The following RBPMS variants were observed in gnomAD, a reference collection of about 807,000 sequenced individuals.
The protein encoded by RBPMS is RNA binding protein, mRNA processing factor, also known as RNA-binding protein with multiple splicing.
In RBPMS, 7 loss-of-function variants were observed where a neutral mutation model predicts 26.8. The ratio of observed to expected loss-of-function variants is 0.26; its 90% confidence interval spans 0.15 to 0.49. RBPMS has a LOEUF of 0.49. Among genes scored for constraint, RBPMS ranks in the 20% least tolerant of loss-of-function variants. The pLI is 0.98. For synonymous variants in RBPMS, 96 were observed against 93.3 expected (o/e 1.03, Z -0.17); for missense variants, 186 against 250.0 (o/e 0.74, Z 1.73).
At chr8:30,431,461 T>C (rs1444335128) in intron 1 of RBPMS, among the ~76,000 whole-genome samples, 1 of 151,790 alleles carries the variant, frequency 6.6e-6, no homozygotes, top group East Asian at 1.9e-4. Context: ...TGTCTTCTCT[T>C]CTCTTTCTTG....
intron 5 of RBPMS, among the ~76,000 whole-genome samples, chr8:30,539,708 C>G (rs937134735): frequency 1.3e-5 from 2 of 151,326 alleles, no homozygotes; most frequent in Non-Finnish European, 2.9e-5. Flanking sequence ...TCACTGCAAT[C>G]TGCACCTCCC....
intron 1 of RBPMS, among the ~76,000 whole-genome samples, chr8:30,411,654 C>T (rs1220997664): frequency 4.3e-5 from 5 of 115,090 alleles, no homozygotes; most frequent in Non-Finnish European, 6.8e-5. Context: ...GACAGCAAGA[C>T]CCTGTCTCAG....
At chr8:30,538,057 A>G (rs1011499285) in intron 5 of RBPMS, among the ~76,000 whole-genome samples, 1 of 152,220 alleles carries the variant, frequency 6.6e-6, no homozygotes, top group Non-Finnish European at 1.5e-5. Context: ...GTCATCCTAA[A>G]TAGAATTAGT....
intron 5 of RBPMS, among the ~76,000 whole-genome samples, chr8:30,529,568 C>T (rs1322069599): frequency 6.6e-6 from 1 of 152,100 alleles, no homozygotes; most frequent in African/African-American, 2.4e-5. Context: ...ACTCCCCATT[C>T]CCTCCTTTCC....
chr8:30,520,827 A>T (rs80063630), intron 5 of RBPMS, among the ~76,000 whole-genome samples: 3 of 147,468 alleles, frequency 2.0e-5, no homozygotes, highest in Non-Finnish European at 4.5e-5. Flanking sequence ...AAGGAAATAG[A>T]TTTTTTTTTT....
chr8:30,438,018 A>G (rs1812661933), intron 1 of RBPMS, among the ~76,000 whole-genome samples: 2 of 152,216 alleles, frequency 1.3e-5, no homozygotes. Context: ...CTATTTTGCA[A>G]GTTCATCTTA....
At chr8:30,454,972 G>A (rs186045450) in intron 1 of RBPMS, among the ~76,000 whole-genome samples, 4 of 152,076 alleles carry the variant, frequency 2.6e-5, no homozygotes, top group Non-Finnish European at 5.9e-5. Flanking sequence ...ACAGGCACCC[G>A]CCATCACACC....
rs566746042 is a variant in RBPMS at position 30,420,525 on chromosome 8, C to T, written c.66+35367C>T. On this transcript the variant is annotated intron_variant, in intron 1 of 8. Coordinates refer to ENST00000397323, the MANE Select transcript of RBPMS (RefSeq NM_001008710.3). ...CAAATCACCAAATGAAACTGAAGTC[C>T]ACAGAGGTAAAGTTACTAGTTTAAG... is the stretch of plus-strand genomic sequence containing the variant. Among the ~76,000 whole-genome samples, 7 of 152,184 alleles carry T rather than the reference C, an allele frequency of 4.6e-5. No individual in the cohort carries two copies. The East Asian group carries it at 1.4e-3, about 29-fold the overall frequency.
chr8:30,484,424 A>G (rs187920434), intron 4 of RBPMS, among the ~76,000 whole-genome samples: 2 of 152,086 alleles, frequency 1.3e-5, no homozygotes, highest in African/African-American at 4.8e-5. Flanking sequence ...AGGGGGAAAA[A>G]CTCAACCCTC....
At chr8:30,517,673 A>G (rs1261036705) in intron 5 of RBPMS, among the ~76,000 whole-genome samples, 8 of 152,318 alleles carry the variant, frequency 5.3e-5, no homozygotes, top group Middle Eastern at 3.4e-3. Context: ...GAGTGTTTAC[A>G]CATAGTAGAG....
intron 1 of RBPMS, among the ~76,000 whole-genome samples, chr8:30,448,301 C>G (rs1814119098): frequency 6.6e-6 from 1 of 152,148 alleles, no homozygotes; most frequent in Non-Finnish European, 1.5e-5. Context: ...TGAGGTCTTC[C>G]TGTGTGCATA....
Position 30,514,680 on chromosome 8 carries a change from C to CTTTTTTTT in RBPMS, c.397+10260_397+10267dup, listed in dbSNP as rs577244764. Among the ~76,000 whole-genome samples, 204 of 82,618 alleles carry CTTTTTTTT rather than the reference C, an allele frequency of 2.5e-3. 22 individuals carry two copies. The highest frequency in any genetic ancestry group is 7.5e-3 in the African/African-American group (143 of 19,014). 54.2% of individuals were successfully genotyped at this position (82,618 alleles called of 152,430 possible). On this transcript the variant is annotated intron_variant, in intron 5 of 8. Coordinates refer to ENST00000397323, the MANE Select transcript of RBPMS (RefSeq NM_001008710.3). ...TACGGGTGCGAGCCACCATGCCGGG[C>CTTTTTTTT]TTTTTTTTTTTTTTTTTTTTTTTAA...
intron 2 of RBPMS, among the ~76,000 whole-genome samples, chr8:30,476,313 T>G (rs1817687261): frequency 6.6e-6 from 1 of 152,232 alleles, no homozygotes; most frequent in Non-Finnish European, 1.5e-5. Context: ...ACTATTATGT[T>G]ATACTGCTTT....
chr8:30,481,364 A>G (rs1188742375), intron 4 of RBPMS, among the ~76,000 whole-genome samples: 2 of 152,348 alleles, frequency 1.3e-5, no homozygotes, highest in East Asian at 3.9e-4. Flanking sequence ...TACAGCGAAC[A>G]TAATTTCAAT....
At chr8:30,550,940 G>A (rs1194727565) in intron 6 of RBPMS, among the ~76,000 whole-genome samples, 1 of 152,154 alleles carries the variant, frequency 6.6e-6, no homozygotes, top group East Asian at 1.9e-4. Flanking sequence ...TTTCCTATCG[G>A]AGAAACTGGA....
chr8:30,509,272 CCT>C (rs1289237570), intron 5 of RBPMS, among the ~76,000 whole-genome samples: 1 of 152,164 alleles, frequency 6.6e-6, no homozygotes, highest in East Asian at 1.9e-4. Flanking sequence ...TCCTCCCTTC[CCT>C]CTCTCAGACA....
intron 6 of RBPMS, chr8:30,549,680 G>A: frequency 1.1e-6 from 1 of 879,618 alleles, no homozygotes; most frequent in Non-Finnish European, 1.9e-6. Context: ...CCTCCTGTGA[G>A]AGTGGGCTGG....
intron 6 of RBPMS, chr8:30,556,892 T>G: frequency 2.6e-6 from 1 of 387,528 alleles, no homozygotes; most frequent in Non-Finnish European, 3.4e-6. Context: ...CACCCCCATC[T>G]TCCCCACTCT....
chr8:30,427,407 C>T (rs1217437751), intron 1 of RBPMS, among the ~76,000 whole-genome samples: 4 of 152,174 alleles, frequency 2.6e-5, no homozygotes, highest in Non-Finnish European at 5.9e-5. Context: ...CACTGAATTC[C>T]CTCACCTCAC....
Sources: gnomAD v4.1 joint callset for allele counts (sites outside exome capture counted in the v4.1 genomes callset) on GRCh38, gnomAD v4.1.1 for gene constraint, MANE v1.5 for transcripts, NCBI Gene and HGNC (gene_info 2026-07-23, HGNC 2026-07-21) for gene names.